Variants in GOLGA3 observed in about 807,000 individuals in gnomAD.
GOLGA3 encodes the protein golgin A3, also known as golgin subfamily A member 3.
GOLGA3 carries 75 observed loss-of-function variants against 169.4 expected under a neutral mutation model. The observed-to-expected ratio is 0.44, with a 90% confidence interval of 0.37 to 0.54. The LOEUF is 0.54. Among genes scored for constraint, GOLGA3 ranks in the 20% least tolerant of loss-of-function variants. The probability of loss-of-function intolerance (pLI) is 0.00; values close to 1 mark genes in which losing one functional copy is unlikely to be tolerated. For missense variants in GOLGA3, 1,899 were observed against 1,930.0 expected, an observed-to-expected ratio of 0.98 and a Z score of 0.30; for synonymous variants, 824 against 822.4, an observed-to-expected ratio of 1.00 and a Z score of -0.03.
intron 17 of GOLGA3, 63 bp from the exon 18 acceptor site, chr12:132,780,977 T>C (rs2045570471): frequency 8.0e-7 from 1 of 1,247,236 alleles, no homozygotes; most frequent in Non-Finnish European, 1.2e-6. Context: ...ACAAGGCTGC[T>C]ACAGCAGGCA....
chr12:132,822,119 C>T lies in GOLGA3; in HGVS notation c.10G>A (p.Ala4Thr), dbSNP rs1043198034. Residue 4 changes from alanine (A) to threonine (T), a missense_variant, in exon 2 of 24, where the codon GCG becomes ACG. Ala to Thr is a moderately conservative substitution (Grantham distance 58). Coordinates refer to ENST00000450791, the MANE Select transcript of GOLGA3 (RefSeq NM_001389683.1). ...TGGAGGCCATCTTGCTCGGCCGACG[C>T]GCCGTCCATGGTCAGGACGACACCA... MDG[A>T]SAEQDGLQED... is the part of the protein sequence containing the mutation. 8 of 1,605,394 alleles carry T rather than the reference C, an allele frequency of 5.0e-6. No homozygotes were observed. Among genetic ancestry groups the T allele is most frequent in the African/African-American group, 4.0e-5 (3 of 74,102 alleles).
At chr12:132,790,154 ACC>A (rs2046149673) in intron 12 of GOLGA3, among the ~76,000 whole-genome samples, 1 of 151,904 alleles carries the variant, frequency 6.6e-6, no homozygotes, top group Non-Finnish European at 1.5e-5. Context: ...ACACGGTGAA[ACC>A]CCGTCTCTAC....
In GOLGA3 at chr12:132,816,732, T is replaced by G. The variant is rs201558759; in HGVS notation, c.214A>C (p.Thr72Pro). The G allele has an allele frequency of 1.2e-6, 2 of 1,613,898 alleles. No individual in the cohort carries two copies. The highest frequency in any genetic ancestry group is 3.3e-5 in the Admixed American group (2 of 60,000). ...GQGGLCQNGP[T>P]PPFPDPPSSL... ...GACGGAGGGTCTGGGAAGGGTGGCGTTGGCCCGTTCTGACAGAGGCCTCCC... is the reference window on the plus strand; with the variant it reads ...GACGGAGGGTCTGGGAAGGGTGGCGGTGGCCCGTTCTGACAGAGGCCTCCC... Residue 72 changes from threonine to proline, a missense_variant, in exon 3 of 24, where the codon ACG (threonine) becomes CCG (proline). Coordinates refer to ENST00000450791, the MANE Select transcript of GOLGA3 (RefSeq NM_001389683.1).
At chr12:132,797,942 C>T (rs1948934726) in intron 9 of GOLGA3, among the ~76,000 whole-genome samples, 1 of 152,248 alleles carries the variant, frequency 6.6e-6, no homozygotes, top group Non-Finnish European at 1.5e-5. Flanking sequence ...GGCTGTCAGG[C>T]AAAAACGCAC....
chr12:132,796,070 G>T lies in GOLGA3; in HGVS notation c.2251C>A (p.Gln751Lys), dbSNP rs1196343399. 7 of 1,612,918 alleles carry T rather than the reference G, an allele frequency of 4.3e-6. No individual in the cohort carries two copies. In the Middle Eastern group the frequency reaches 1.2e-3, roughly 266 times the overall value. The change falls in exon 11 of 24, where the codon CAG becomes AAG. Residue 751 changes from glutamine (Q) to lysine (K), a missense_variant. By Grantham distance (53) the Gln-to-Lys change is moderately conservative. Coordinates refer to ENST00000450791, the MANE Select transcript of GOLGA3 (RefSeq NM_001389683.1). ...DALQTHYDEL[Q>K]ARLGELQGEA... is the part of the protein sequence containing the mutation. ...CCCTGCAGCTCCCCCAGCCTGGCCT[G>T]CAGCTCATCGTAGTGTGTCTGCAGG...
intron 2 of GOLGA3, 145 bp from the exon 3 acceptor site, chr12:132,816,957 G>A (rs1445327683): frequency 1.2e-6 from 1 of 816,264 alleles, no homozygotes; most frequent in Non-Finnish European, 1.9e-6. Context: ...CACTCTGAGA[G>A]GAGCAGCCCA....
Position 132,780,865 on chromosome 12 carries a change from T to G in GOLGA3, c.3515A>C (p.His1172Pro). ...RKEEEDRQMK[H>P]LVQALQASLE... is the part of the protein sequence containing the mutation. ...TGAGGCCTGCAGGGCCTGGACAAGA[T>G]GCTTCATCTGGCGATCCTCCTCTTC... Residue 1172 changes from histidine to proline, a missense_variant, in exon 18 of 24, where the codon CAT (histidine) becomes CCT (proline). Coordinates refer to ENST00000450791, the MANE Select transcript of GOLGA3 (RefSeq NM_001389683.1). 6.2e-7 allele frequency: 1 copy of G among 1,612,522 alleles called. No homozygotes were observed. The highest frequency in any genetic ancestry group is 8.5e-7 in the Non-Finnish European group (1 of 1,180,024).
Position 132,786,851 on chromosome 12 carries a change from G to C in GOLGA3, c.2812-64C>G, listed in dbSNP as rs2045930807. On this transcript the variant is annotated intron_variant, in intron 13 of 23. Coordinates refer to ENST00000450791, the MANE Select transcript of GOLGA3 (RefSeq NM_001389683.1). ...ACCCCCAGCCTGTCTCCCCTTCCTG[G>C]CTCCAGCCCATCACCCCCACCAAAG... The C allele has an allele frequency of 2.6e-6, 3 of 1,149,130 alleles. No homozygotes were observed. In the African/African-American group the frequency reaches 4.5e-5, roughly 17 times the overall value. 71.2% of individuals were successfully genotyped at this position (1,149,130 alleles called of 1,614,324 possible).
intron 9 of GOLGA3, 68 bp downstream of exon 9, chr12:132,798,271 GA>G (rs1593305593): frequency 1.4e-6 from 2 of 1,434,568 alleles, no homozygotes; most frequent in East Asian, 4.8e-5. Context: ...GAACATGTAA[GA>G]AAACACACAT....
chr12:132,783,770 G>A, intron 16 of GOLGA3: 1 of 497,640 alleles, frequency 2.0e-6, no homozygotes, highest in Non-Finnish European at 3.2e-6. Flanking sequence ...TAGAGATGGG[G>A]TTTCACCATG....
Position 132,785,677 on chromosome 12 carries a change from T to A in GOLGA3, c.3123+662A>T, listed in dbSNP as rs150526929. Among the ~76,000 whole-genome samples the A allele has an allele frequency of 1.4e-3, 211 of 152,244 alleles. 1 individual carries two copies. The South Asian group carries it at 0.017, about 12-fold the overall frequency. ...CTCTTCCTACCCATAAATTCTTAAG[T>A]GGACAGGAGATAGAAACAAACCACA... On this transcript the variant is annotated intron_variant, in intron 15 of 23. Transcript: ENST00000450791.
chr12:132,784,674 G>A (rs2045797395), intron 15 of GOLGA3, among the ~76,000 whole-genome samples: 1 of 151,734 alleles, frequency 6.6e-6, no homozygotes, highest in Admixed American at 6.6e-5. Flanking sequence ...ACACACTCAT[G>A]TAACACACAC....
chr12:132,788,940 C>CCCCGCCCCAGACACAGGG, intron 13 of GOLGA3, 87 bp downstream of exon 13: 1 of 731,434 alleles, frequency 1.4e-6, no homozygotes, highest in South Asian at 2.0e-5. Context: ...CAGACACAGG[C>CCCCGCCCCAGACACAGGG]CCCGCCCCAG....
In GOLGA3 at chr12:132,770,005, C is replaced by T. The variant is rs961141647; in HGVS notation, c.*3100G>A. On this transcript the variant is annotated 3_prime_UTR_variant, in exon 24 of 24. Transcript: ENST00000450791. ...ATTCCAGCACTTTGGGAGGCTGAGG[C>T]TCAGGATCACCTGAGGTCAAGAGTT... 4 of 152,062 alleles carry T rather than the reference C, an allele frequency of 2.6e-5. No homozygotes were observed. The highest frequency in any genetic ancestry group is 9.7e-5 in the African/African-American group (4 of 41,418). The allele number at this position is 152,062 out of a possible 1,614,324, so 9.4% of individuals were successfully genotyped here. A position where few individuals can be genotyped will look rare whatever the true frequency, so the allele number is the denominator to read the frequency against.
rs1167333522 is a variant in GOLGA3, at chr12:132,772,025, G to C, written c.*1080C>G. On this transcript the variant is annotated 3_prime_UTR_variant, in exon 24 of 24. Transcript: ENST00000450791. ...CAGGGCCAGTGGCCTGAGAGGAAGAGACCAGCAGGAAGGAAAGATCCTCAG... is the reference window on the plus strand; with the variant it reads ...CAGGGCCAGTGGCCTGAGAGGAAGACACCAGCAGGAAGGAAAGATCCTCAG... 6.6e-6 allele frequency: 1 copy of C among 152,296 alleles called. No homozygotes were observed. The highest frequency in any genetic ancestry group is 1.5e-5 in the Non-Finnish European group (1 of 68,068). The allele number at this position is 152,296 out of a possible 1,614,324, so 9.4% of individuals were successfully genotyped here. A position where few individuals can be genotyped will look rare whatever the true frequency, so the allele number is the denominator to read the frequency against.
intron 8 of GOLGA3, among the ~76,000 whole-genome samples, chr12:132,799,834 G>A (rs905545692): frequency 3.9e-5 from 6 of 151,956 alleles, no homozygotes; most frequent in African/African-American, 1.5e-4. Flanking sequence ...TCTGCCTCCT[G>A]GATTCAAGCA....
At chr12:132,822,387 T>C (rs1277113783) in intron 1 of GOLGA3, 76 bp from the exon 2 acceptor site, 2 of 858,800 alleles carry the variant, frequency 2.3e-6, no homozygotes, top group Non-Finnish European at 3.3e-6. Flanking sequence ...TAGCATTTGG[T>C]TCCCAATTTG....
intron 1 of GOLGA3, among the ~76,000 whole-genome samples, chr12:132,824,289 C>T (rs576299134): frequency 5.9e-5 from 9 of 152,336 alleles, no homozygotes; most frequent in Non-Finnish European, 8.8e-5. Context: ...CACTGAAGGG[C>T]GTGCAGACCT....
chr12:132,814,958 C>T lies in GOLGA3; in HGVS notation c.407-1539G>A, dbSNP rs989698633. On this transcript the variant is annotated intron_variant, in intron 3 of 23. Coordinates refer to ENST00000450791, the MANE Select transcript of GOLGA3 (RefSeq NM_001389683.1). ...TCCTTCCTAAGCCATCAGCAGACAC[C>T]GCCCGACGGCCTGGGTGCCGACCAG... Among the ~76,000 whole-genome samples, 9 of 152,310 alleles carry T rather than the reference C, an allele frequency of 5.9e-5. No homozygotes were observed. In the East Asian group the frequency reaches 1.4e-3, roughly 23 times the overall value.
Sources: gnomAD v4.1 joint callset for allele counts (sites outside exome capture counted in the v4.1 genomes callset) on GRCh38, gnomAD v4.1.1 for gene constraint, MANE v1.5 for transcripts, NCBI Gene and HGNC (gene_info 2026-07-23, HGNC 2026-07-21) for gene names.